The following ASS1 variants were observed in gnomAD, a reference collection of about 807,000 sequenced individuals.
The protein encoded by ASS1 is argininosuccinate synthase.
A neutral mutation model predicts 60.5 loss-of-function variants in ASS1; 58 were observed. The observed-to-expected ratio is 0.96, with a 90% confidence interval of 0.78 to 1.19. ASS1 has a LOEUF of 1.19. Ranked by LOEUF, ASS1 falls within the 50% of genes most tolerant of loss-of-function variation. The pLI, the probability that ASS1 is intolerant of heterozygous loss-of-function variation, is 0.00. For synonymous variants in ASS1, 200 were observed against 206.9 expected, an observed-to-expected ratio of 0.97 and a Z score of 0.29; for missense variants, 454 against 547.3, an observed-to-expected ratio of 0.83 and a Z score of 1.70.
At chr9:130,446,288 T>A (rs988711335) in intron 1 of ASS1, among the ~76,000 whole-genome samples, 1 of 152,252 alleles carries the variant, frequency 6.6e-6, no homozygotes, top group South Asian at 2.1e-4. Context: ...TAACTGTGCC[T>A]GGGGTTAGGT....
chr9:130,478,497 C>A lies in ASS1; in HGVS notation c.689-1219C>A, dbSNP rs12171726. ...CCTATTGTCATGATTTGGGGACTGT[C>A]TGGAAGAAGAAAAAAAGACCGGAGG... is the stretch of plus-strand genomic sequence containing the variant. On this transcript the variant is annotated intron_variant, in intron 9 of 14. Transcript: ENST00000352480. This position sits in a 1 kb window ranked among gnomAD's most constrained non-coding sequence, Gnocchi z 4.7. Among the ~76,000 whole-genome samples the A allele has an allele frequency of 0.011, 1,746 of 152,290 alleles. 29 individuals are homozygous for A. The highest frequency in any genetic ancestry group is 0.036 in the African/African-American group (1,500 of 41,556).
At chr9:130,450,966 C>T (rs1229376868) in intron 1 of ASS1, among the ~76,000 whole-genome samples, 3 of 152,206 alleles carry the variant, frequency 2.0e-5, no homozygotes, top group Admixed American at 6.5e-5. Context: ...CAGGTGTCCA[C>T]GGAGGCTGGA....
chr9:130,480,001 A>G, intron 10 of ASS1: 1 of 738,366 alleles, frequency 1.4e-6, no homozygotes, highest in East Asian at 2.7e-5. Flanking sequence ...GCCTTGGAAG[A>G]TAACAACCCC....
chr9:130,499,941 C>G (rs937163354), intron 14 of ASS1, among the ~76,000 whole-genome samples: 1 of 152,172 alleles, frequency 6.6e-6, no homozygotes, highest in African/African-American at 2.4e-5. Flanking sequence ...TTTTCTGTCA[C>G]CATACCTGAG....
rs1846539648 is a variant in ASS1 at position 130,494,833 on chromosome 9, C to T, written c.971-34C>T. On this transcript the variant is annotated intron_variant, in intron 12 of 14. Transcript: ENST00000352480. The surrounding 1 kb of genome is among the most constrained non-coding windows in gnomAD (Gnocchi z 4.3). ...CCCTGTGTCCTCGCGGTGCAGGAGG[C>T]CTCCCTAGTGGTATCCTGTTTTCCT... The T allele has an allele frequency of 6.2e-7, 1 of 1,613,050 alleles. No homozygotes were observed. Among genetic ancestry groups the T allele is most frequent in the Admixed American group, 1.7e-5 (1 of 60,010 alleles).
At position 130,477,295 on chromosome 9, in the gene ASS1, G is replaced by GAGT. The variant is rs1846045511; in HGVS notation, c.688+335_688+337dup. Among the ~76,000 whole-genome samples the GAGT allele has an allele frequency of 6.6e-6, 1 of 152,160 alleles. No homozygotes were observed. Among genetic ancestry groups the GAGT allele is most frequent in the Non-Finnish European group, 1.5e-5 (1 of 68,038 alleles). On this transcript the variant is annotated intron_variant, in intron 9 of 14. Transcript: ENST00000352480. This position sits in a 1 kb window ranked among gnomAD's most constrained non-coding sequence, Gnocchi z 4.2. ...TCCTCAGCTGTATCTGAGGATGAAAGAGTGCCTGCTGTTTTCCTGGGGTAG... is the reference window on the plus strand; with the variant it reads ...TCCTCAGCTGTATCTGAGGATGAAAGAGTAGTGCCTGCTGTTTTCCTGGGGTAG...
At chr9:130,447,299 G>A (rs1428529064) in intron 1 of ASS1, among the ~76,000 whole-genome samples, 1 of 152,234 alleles carries the variant, frequency 6.6e-6, no homozygotes, top group Non-Finnish European at 1.5e-5. Flanking sequence ...TCGGCTGGCC[G>A]CTTAGCCTCT....
intron 13 of ASS1, 66 bp from the exon 14 acceptor site, chr9:130,499,439 A>G: frequency 1.9e-6 from 3 of 1,539,616 alleles, no homozygotes; most frequent in Admixed American, 1.8e-5. Flanking sequence ...TTCTGGCCCC[A>G]GCAGTCCTCC....
intron 11 of ASS1, among the ~76,000 whole-genome samples, chr9:130,483,679 C>T (rs1212548597): frequency 2.0e-5 from 3 of 151,360 alleles, no homozygotes; most frequent in South Asian, 2.1e-4. Flanking sequence ...CTTCTCCCGC[C>T]GCTCTCCCCT....
chr9:130,496,332 C>T (rs551714412), intron 13 of ASS1, among the ~76,000 whole-genome samples: 2 of 151,958 alleles, frequency 1.3e-5, no homozygotes, highest in Admixed American at 6.6e-5. Context: ...GAGGTGGGAG[C>T]GTCTCTTGAG....
rs565988821 is a variant in ASS1 at position 130,474,671 on chromosome 9, C to T, written c.598-2200C>T. Among the ~76,000 whole-genome samples, 63 of 152,348 alleles carry T rather than the reference C, an allele frequency of 4.1e-4. No individual in the cohort carries two copies. In the South Asian group the frequency reaches 5.6e-3, roughly 14 times the overall value. On this transcript the variant is annotated intron_variant, in intron 8 of 14. Transcript: ENST00000352480. ...TGTGCCCAGGGAATGCTGCAGTTGG[C>T]AGGGTGGGCCAGCCCTGATGCCTAC...
rs1846138617 is a variant in ASS1 at position 130,480,372 on chromosome 9, G to A, written c.774-13G>A. The A allele has an allele frequency of 6.2e-7, 1 of 1,614,092 alleles. No individual in the cohort carries two copies. The highest frequency in any genetic ancestry group is 8.5e-7 in the Non-Finnish European group (1 of 1,180,044). On this transcript the variant is annotated splice_polypyrimidine_tract_variant and intron_variant, in intron 10 of 14. Transcript: ENST00000352480. ...GGTAGCGCCCGAACCTAATGGACCAGTTCTTCCCACAGGGGCAAGCATGGC... is the reference window on the plus strand; with the variant it reads ...GGTAGCGCCCGAACCTAATGGACCAATTCTTCCCACAGGGGCAAGCATGGC...
chr9:130,458,028 A>C (rs1218329349), intron 3 of ASS1, among the ~76,000 whole-genome samples: 2 of 152,066 alleles, frequency 1.3e-5, no homozygotes, highest in African/African-American at 2.4e-5. Context: ...CCATGGTGGC[A>C]TGCGCCTGTA....
intron 8 of ASS1, among the ~76,000 whole-genome samples, chr9:130,475,735 C>T (rs150358632): frequency 7.0e-6 from 1 of 142,102 alleles, no homozygotes; most frequent in Non-Finnish European, 1.5e-5. Flanking sequence ...TGAATGTGTG[C>T]AAGGTGTTTT....
rs1845535189 is a variant in ASS1, at chr9:130,459,507, C to T, written c.363+918C>T. ...AGTGCAGTGGCTCGATCTTGGCTCA[C>T]TGCAACCTCTGCCTCCCAGATTGAA... On this transcript the variant is annotated intron_variant, in intron 4 of 14. Transcript: ENST00000352480. The surrounding 1 kb of genome is among the most constrained non-coding windows in gnomAD (Gnocchi z 4.6). 6.6e-6 allele frequency among the ~76,000 whole-genome samples: 1 copy of T among 152,140 alleles called. No individual in the cohort carries two copies. The highest frequency in any genetic ancestry group is 1.5e-5 in the Non-Finnish European group (1 of 68,026).
At chr9:130,481,557 G>T (rs2043191) in intron 11 of ASS1, among the ~76,000 whole-genome samples, 2 of 152,074 alleles carry the variant, frequency 1.3e-5, no homozygotes, top group African/African-American at 4.8e-5. Context: ...GTGGTGGTCC[G>T]GAGGGCAGGA....
At chr9:130,462,150 CT>C (rs1641630627) in intron 4 of ASS1, among the ~76,000 whole-genome samples, 1 of 152,048 alleles carries the variant, frequency 6.6e-6, no homozygotes, top group African/African-American at 2.4e-5. Context: ...GGGCTCCTCT[CT>C]CCCCCTAGTT....
chr9:130,466,839 T>G, intron 6 of ASS1, 40 bp downstream of exon 6: 1 of 1,599,624 alleles, frequency 6.3e-7, no homozygotes, highest in Non-Finnish European at 8.6e-7. Context: ...CCTTTCCCTA[T>G]AGCCCCCTTC....
At chr9:130,451,130 G>T (rs1028861629) in intron 1 of ASS1, among the ~76,000 whole-genome samples, 9 of 152,196 alleles carry the variant, frequency 5.9e-5, no homozygotes, top group Non-Finnish European at 7.3e-5. Context: ...TGTGGGGGAG[G>T]GGGGTGCAGG....
Sources: allele counts gnomAD v4.1 joint callset (sites outside exome capture counted in the v4.1 genomes callset), GRCh38; gene constraint gnomAD v4.1.1; non-coding constraint Gnocchi (gnomAD v3.1); transcripts MANE v1.5; gene names NCBI Gene and HGNC (gene_info 2026-07-23, HGNC 2026-07-21).